Variants in BCAS3 observed in about 807,000 individuals in gnomAD.
The protein encoded by BCAS3 is BCAS4/BCAS3 fusion.
BCAS3 carries 53 observed loss-of-function variants against 116.1 expected under a neutral mutation model. The observed-to-expected ratio is 0.46, with a 90% confidence interval of 0.37 to 0.57. BCAS3 has a LOEUF of 0.57. Among genes scored for constraint, BCAS3 ranks in the 20% least tolerant of loss-of-function variants. The probability of loss-of-function intolerance (pLI) is 0.00; values close to 1 mark genes in which losing one functional copy is unlikely to be tolerated. For synonymous variants in BCAS3, 391 were observed against 408.2 expected, an observed-to-expected ratio of 0.96 and a Z score of 0.51; for missense variants, 917 against 1,165.4, an observed-to-expected ratio of 0.79 and a Z score of 3.10.
intron 22 of BCAS3, among the ~76,000 whole-genome samples, chr17:61,320,877 C>A (rs2055155178): frequency 6.6e-6 from 1 of 152,116 alleles, no homozygotes; most frequent in Admixed American, 6.5e-5. Flanking sequence ...GTAATCAGCT[C>A]TTCAGTCACA....
At chr17:60,840,230 T>C (rs2051773729) in intron 7 of BCAS3, among the ~76,000 whole-genome samples, 1 of 152,186 alleles carries the variant, frequency 6.6e-6, no homozygotes, top group South Asian at 2.1e-4. Context: ...TTTAATATTG[T>C]ATTATTTGTA....
chr17:60,814,801 A>G (rs1424663195), intron 7 of BCAS3, among the ~76,000 whole-genome samples: 1 of 152,194 alleles, frequency 6.6e-6, no homozygotes, highest in East Asian at 1.9e-4. Flanking sequence ...TCTCCTTTAC[A>G]TGATAGCAAT....
chr17:61,212,546 A>G (rs1276133861), intron 22 of BCAS3, among the ~76,000 whole-genome samples: 4 of 151,088 alleles, frequency 2.6e-5, no homozygotes, highest in Non-Finnish European at 4.4e-5. Context: ...TAAAGTGTAT[A>G]TATATATATA....
chr17:60,863,693 ACAGTGAATTC>A (rs1368211907), intron 7 of BCAS3, among the ~76,000 whole-genome samples: 1 of 152,172 alleles, frequency 6.6e-6, no homozygotes, highest in African/African-American at 2.4e-5. Flanking sequence ...ATTAGAGGCT[ACAGTGAATTC>A]CATTTCAGGT....
At chr17:60,699,361 T>C (rs2143925614) in intron 4 of BCAS3, among the ~76,000 whole-genome samples, 1 of 152,204 alleles carries the variant, frequency 6.6e-6, no homozygotes, top group East Asian at 1.9e-4. Flanking sequence ...ATTACAAGCA[T>C]GCACCATCAC....
intron 7 of BCAS3, among the ~76,000 whole-genome samples, chr17:60,840,166 C>T (rs901230343): frequency 2.6e-5 from 4 of 151,852 alleles, no homozygotes; most frequent in African/African-American, 7.3e-5. Context: ...AGATGAGAGA[C>T]AAAATTTAAA....
At chr17:60,850,085 C>G (rs1458677171) in intron 7 of BCAS3, among the ~76,000 whole-genome samples, 4 of 152,150 alleles carry the variant, frequency 2.6e-5, no homozygotes, top group Admixed American at 6.5e-5. Flanking sequence ...TTTGATACAT[C>G]CACTTTCTCC....
rs2066850707 is a variant in BCAS3, at chr17:61,034,171, T to C, written c.1638-495T>C. On this transcript the variant is annotated intron_variant, in intron 16 of 23. Transcript: ENST00000407086. This position sits in a 1 kb window ranked among gnomAD's most constrained non-coding sequence, Gnocchi z 5.0. Reference sequence around the variant, plus strand: ...AGAGCATTTTCAAGGCTTCATTCTATATCACCTCATTTTCATCCATGCTGT... The same window carrying C: ...AGAGCATTTTCAAGGCTTCATTCTACATCACCTCATTTTCATCCATGCTGT... 6.6e-6 allele frequency among the ~76,000 whole-genome samples: 1 copy of C among 152,252 alleles called. No individual in the cohort carries two copies. Among genetic ancestry groups the C allele is most frequent in the African/African-American group, 2.4e-5 (1 of 41,464 alleles).
intron 10 of BCAS3, among the ~76,000 whole-genome samples, chr17:60,899,735 A>G (rs922646526): frequency 1.3e-5 from 2 of 151,514 alleles, no homozygotes; most frequent in Non-Finnish European, 2.9e-5. Context: ...TGACCTTGTG[A>G]TCTGCCCACC....
chr17:61,139,890 C>A lies in BCAS3; in HGVS notation c.2425+55326C>A, dbSNP rs1467650036. On this transcript the variant is annotated intron_variant, in intron 22 of 23. Transcript: ENST00000407086. The surrounding 1 kb of genome is among the most constrained non-coding windows in gnomAD (Gnocchi z 4.7). Reference sequence around the variant, plus strand: ...CGTTTGAGCTAGAATTTGAGGAATACGTGGAATTTTGGCAGGAGAAGATTG... The same window carrying A: ...CGTTTGAGCTAGAATTTGAGGAATAAGTGGAATTTTGGCAGGAGAAGATTG... 6.6e-6 allele frequency among the ~76,000 whole-genome samples: 1 copy of A among 152,014 alleles called. No individual in the cohort carries two copies. Among genetic ancestry groups the A allele is most frequent in the Non-Finnish European group, 1.5e-5 (1 of 68,010 alleles).
At chr17:60,766,280 G>T (rs1479702072) in intron 6 of BCAS3, among the ~76,000 whole-genome samples, 3 of 152,164 alleles carry the variant, frequency 2.0e-5, no homozygotes, top group African/African-American at 7.2e-5. Flanking sequence ...CTGGTTTTTA[G>T]AATTTTCAGC....
rs1039331117 is a variant in BCAS3, at chr17:61,226,668, A to AT, written c.2426-141653dup. Among the ~76,000 whole-genome samples the AT allele has an allele frequency of 2.6e-5, 4 of 151,926 alleles. No homozygotes were observed. Among genetic ancestry groups the AT allele is most frequent in the South Asian group, 2.1e-4 (1 of 4,814 alleles). On this transcript the variant is annotated intron_variant, in intron 22 of 23. Transcript: ENST00000407086. The surrounding 1 kb of genome is among the most constrained non-coding windows in gnomAD (Gnocchi z 6.0). ...TCCAGTACTCATGTGTATTTTCTGT[A>AT]TTTTTTCCTTTTTTGCCATCAAAGC... is the stretch of plus-strand genomic sequence containing the variant.
Position 61,380,458 on chromosome 17 carries a change from G to T in BCAS3, c.2594-11519G>T, listed in dbSNP as rs540300118. On this transcript the variant is annotated intron_variant, in intron 23 of 23. Transcript: ENST00000407086. The surrounding 1 kb of genome is among the most constrained non-coding windows in gnomAD (Gnocchi z 4.2). ...TCTCAGCTCTTCCTGCTCTCTTAAA[G>T]GTCCAGTTTGTGATCCGCTTTAAAG... 398 of 1,543,738 alleles carry T rather than the reference G, an allele frequency of 2.6e-4. 2 individuals carry two copies. The South Asian group carries it at 4.2e-3, about 16-fold the overall frequency.
At chr17:61,154,457 ACAGGGT>A (rs1471423290) in intron 22 of BCAS3, among the ~76,000 whole-genome samples, 1 of 148,758 alleles carries the variant, frequency 6.7e-6, no homozygotes, top group Non-Finnish European at 1.5e-5. Flanking sequence ...TTTTTTTGAG[ACAGGGT>A]CTCCCTCTGT....
In BCAS3 at chr17:61,315,989, G is replaced by T. The variant is rs935938330; in HGVS notation, c.2426-52338G>T. ...TTTCCCTTTTCATGTGTGTTTTCCAGTGTCTAGGATAGTGACCATCTATAG... is the reference window on the plus strand; with the variant it reads ...TTTCCCTTTTCATGTGTGTTTTCCATTGTCTAGGATAGTGACCATCTATAG... On this transcript the variant is annotated intron_variant, in intron 22 of 23. Coordinates refer to ENST00000407086, the MANE Select transcript of BCAS3 (RefSeq NM_017679.5). The surrounding 1 kb of genome is among the most constrained non-coding windows in gnomAD (Gnocchi z 5.3). Among the ~76,000 whole-genome samples, 10 of 152,140 alleles carry T rather than the reference G, an allele frequency of 6.6e-5. No homozygotes were observed. Among genetic ancestry groups the T allele is most frequent in the African/African-American group, 2.4e-4 (10 of 41,414 alleles).
intron 7 of BCAS3, among the ~76,000 whole-genome samples, chr17:60,842,609 T>C (rs1284389478): frequency 6.6e-6 from 1 of 152,198 alleles, no homozygotes; most frequent in Non-Finnish European, 1.5e-5. Flanking sequence ...TGATTCTACA[T>C]TGTGGGTTAT....
Position 61,248,475 on chromosome 17 carries a change from A to G in BCAS3, c.2426-119852A>G, listed in dbSNP as rs889039237. Reference sequence around the variant, plus strand: ...TAAAGATACTGGCAGTTGAAGGTCTAAGTCCCAGCCTGGCATGAATTCCCA... The same window carrying G: ...TAAAGATACTGGCAGTTGAAGGTCTGAGTCCCAGCCTGGCATGAATTCCCA... On this transcript the variant is annotated intron_variant, in intron 22 of 23. Coordinates refer to ENST00000407086, the MANE Select transcript of BCAS3 (RefSeq NM_017679.5). The surrounding 1 kb of genome is among the most constrained non-coding windows in gnomAD (Gnocchi z 4.3). 6.6e-6 allele frequency among the ~76,000 whole-genome samples: 1 copy of G among 152,214 alleles called. No individual in the cohort carries two copies. The highest frequency in any genetic ancestry group is 2.4e-5 in the African/African-American group (1 of 41,454).
chr17:61,299,918 C>T (rs577581655), intron 22 of BCAS3, among the ~76,000 whole-genome samples: 4 of 152,176 alleles, frequency 2.6e-5, no homozygotes, highest in South Asian at 4.2e-4. Flanking sequence ...TGTGTATGCA[C>T]GTGCATGAAA....
intron 6 of BCAS3, among the ~76,000 whole-genome samples, chr17:60,769,775 T>C (rs922884959): frequency 6.7e-6 from 1 of 149,968 alleles, no homozygotes; most frequent in South Asian, 2.1e-4. Flanking sequence ...TTTTTTTTAA[T>C]TTTTTTTTTA....
Sources: allele counts gnomAD v4.1 joint callset (sites outside exome capture counted in the v4.1 genomes callset), GRCh38; gene constraint gnomAD v4.1.1; non-coding constraint Gnocchi (gnomAD v3.1); transcripts MANE v1.5; gene names NCBI Gene and HGNC (gene_info 2026-07-23, HGNC 2026-07-21).